The following DMD variants were observed in gnomAD, a reference collection of about 807,000 sequenced individuals.
The protein encoded by DMD is mutant dystrophin.
A neutral mutation model predicts 330.1 loss-of-function variants in DMD; 63 were observed. The ratio of observed to expected loss-of-function variants is 0.19; its 90% confidence interval spans 0.16 to 0.24. DMD has a LOEUF of 0.24. DMD is among the 10% of genes least tolerant of loss of function. The probability of loss-of-function intolerance (pLI) is 1.00; values close to 1 mark genes in which losing one functional copy is unlikely to be tolerated. For missense variants in DMD, 3,344 were observed against 2,684.1 expected, an observed-to-expected ratio of 1.25 and a Z score of -5.43; for synonymous variants, 1,223 against 959.8, an observed-to-expected ratio of 1.27 and a Z score of -5.07.
intron 51 of DMD, among the ~76,000 whole-genome samples, chrX:31,766,215 G>C (rs5927846): frequency 3.6e-5 from 4 of 111,225 alleles, no homozygotes; most frequent in African/African-American, 1.3e-4. Flanking sequence ...ATATAAAGGA[G>C]CCCTAACTAG....
At chrX:32,761,556 T>G (rs1051061320) in intron 7 of DMD, among the ~76,000 whole-genome samples, 14 of 111,837 alleles carry the variant, frequency 1.3e-4, no homozygotes, top group African/African-American at 4.6e-4. Flanking sequence ...GGAATCAAAG[T>G]CAGATGCCAT....
At chrX:31,171,544 T>C (rs757270897) in intron 73 of DMD, among the ~76,000 whole-genome samples, 1 of 111,913 alleles carries the variant, frequency 8.9e-6, no homozygotes, top group African/African-American at 3.2e-5. Flanking sequence ...ATGTTATTTA[T>C]TCACTTGGCA....
At chrX:31,969,917 T>C (rs1300521058) in intron 44 of DMD, among the ~76,000 whole-genome samples, 1 of 111,568 alleles carries the variant, frequency 9.0e-6, no homozygotes, top group Non-Finnish European at 1.9e-5. Flanking sequence ...TTGTAACTAG[T>C]TGGCTTTGCT....
intron 75 of DMD, among the ~76,000 whole-genome samples, chrX:31,147,060 C>A (rs969211506): frequency 3.6e-5 from 4 of 111,659 alleles, no homozygotes; most frequent in Non-Finnish European, 7.5e-5. Flanking sequence ...CAAGAAAAAA[C>A]CATTTTGGTA....
At chrX:31,650,899 T>C (rs2080412473) in intron 54 of DMD, among the ~76,000 whole-genome samples, 1 of 111,547 alleles carries the variant, frequency 9.0e-6, no homozygotes, top group Non-Finnish European at 1.9e-5. Flanking sequence ...GTTGTGAATG[T>C]CAAATGAGCG....
At chrX:32,317,131 A>G (rs893070647) in intron 41 of DMD, among the ~76,000 whole-genome samples, 11 of 111,140 alleles carry the variant, frequency 9.9e-5, no homozygotes, top group South Asian at 3.7e-4. Context: ...ACCACCTTAT[A>G]TCATTATAGA....
At position 32,679,092 on chromosome X, in the gene DMD, G is replaced by A. The variant is rs189445641; in HGVS notation, c.960+18778C>T. On this transcript the variant is annotated intron_variant, in intron 9 of 78. Coordinates refer to ENST00000357033, the MANE Select transcript of DMD (RefSeq NM_004006.3). Reference sequence around the variant, plus strand: ...AAGTTATAAATCTTACAAAAATATAGGACAGTGCCTAATTATCTGAGTGAT... The same window carrying A: ...AAGTTATAAATCTTACAAAAATATAAGACAGTGCCTAATTATCTGAGTGAT... 3.3e-3 allele frequency among the ~76,000 whole-genome samples: 366 copies of A among 111,668 alleles called. 3 individuals carry two copies. The highest frequency in any genetic ancestry group is 0.023 in the Middle Eastern group (5 of 214).
intron 37 of DMD, among the ~76,000 whole-genome samples, chrX:32,351,692 T>A (rs193127374): frequency 2.7e-5 from 3 of 110,299 alleles, no homozygotes; most frequent in Admixed American, 1.9e-4. Flanking sequence ...AGGGCCAAAA[T>A]AGACATTTCA....
intron 37 of DMD, among the ~76,000 whole-genome samples, chrX:32,355,871 T>G (rs2097797247): frequency 9.1e-6 from 1 of 110,420 alleles, no homozygotes; most frequent in Non-Finnish European, 1.9e-5. Context: ...ATAGAAAATT[T>G]TACTAAAAAT....
chrX:32,644,627 G>A (rs2059670751), intron 10 of DMD, among the ~76,000 whole-genome samples: 1 of 110,254 alleles, frequency 9.1e-6, no homozygotes, highest in African/African-American at 3.3e-5. Flanking sequence ...AGGGAAAGAA[G>A]CCAAACGAGT....
chrX:32,879,021 A>AAAAAAAAAAAAAAAAAAAAAC (rs1352069437), intron 2 of DMD, among the ~76,000 whole-genome samples: 95 of 101,690 alleles, frequency 9.3e-4, no homozygotes, highest in African/African-American at 1.9e-3. Context: ...AAAAAAACAA[A>AAAAAAAAAAAAAAAAAAAAAC]AAACAAAAAA....
chrX:32,600,869 C>T (rs1268980664), intron 12 of DMD, among the ~76,000 whole-genome samples: 3 of 110,757 alleles, frequency 2.7e-5, no homozygotes, highest in Non-Finnish European at 5.7e-5. Context: ...TTGAGTCTAA[C>T]ATCCAGGAAA....
Position 32,381,796 on chromosome X carries a change from T to A in DMD, c.4675-1116A>T, listed in dbSNP as rs751654304. ...TTTGGTATGTGTTTTCACCTTTTTT[T>A]AAAAAAAACCCTTGTCTGTCATGAA... On this transcript the variant is annotated intron_variant, in intron 33 of 78. Transcript: ENST00000357033. Among the ~76,000 whole-genome samples, 13 of 110,625 alleles carry A rather than the reference T, an allele frequency of 1.2e-4. No homozygotes were observed. The South Asian group carries it at 2.2e-3, about 19-fold the overall frequency.
intron 62 of DMD, among the ~76,000 whole-genome samples, chrX:31,309,858 A>C (rs1471672110): frequency 8.9e-6 from 1 of 112,115 alleles, no homozygotes; most frequent in Non-Finnish European, 1.9e-5. Context: ...AATTACAAAA[A>C]TAGAAAAACG....
chrX:33,254,025 A>G (rs1311906223), intron 1 of DMD, among the ~76,000 whole-genome samples: 3 of 111,073 alleles, frequency 2.7e-5, no homozygotes. Context: ...ACTCATTTCT[A>G]TATATAAGTA....
At chrX:32,783,738 A>C (rs1188881276) in intron 7 of DMD, among the ~76,000 whole-genome samples, 1 of 111,209 alleles carries the variant, frequency 9.0e-6, no homozygotes, top group East Asian at 2.8e-4. Context: ...TTATATGCAA[A>C]TATGACATCA....
chrX:31,795,706 T>A (rs1279564925), intron 50 of DMD, among the ~76,000 whole-genome samples: 2 of 112,129 alleles, frequency 1.8e-5, no homozygotes, highest in Non-Finnish European at 3.8e-5. Context: ...GTAACATAAA[T>A]ATGCCAACAA....
intron 43 of DMD, among the ~76,000 whole-genome samples, chrX:32,274,236 G>A (rs1434077645): frequency 9.0e-6 from 1 of 111,659 alleles, no homozygotes; most frequent in African/African-American, 3.3e-5. Context: ...CTCATATACT[G>A]AAGAACAAGA....
At chrX:31,421,951 A>ATG (rs1569540435) in intron 60 of DMD, among the ~76,000 whole-genome samples, 121 of 66,024 alleles carry the variant, frequency 1.8e-3, no homozygotes, top group African/African-American at 0.012. Context: ...ACATATATAT[A>ATG]TATATATACA....
Sources: allele counts gnomAD v4.1 joint callset (sites outside exome capture counted in the v4.1 genomes callset), GRCh38; gene constraint gnomAD v4.1.1; transcripts MANE v1.5; gene names NCBI Gene and HGNC (gene_info 2026-07-23, HGNC 2026-07-21).